GHR: variants seen among roughly 807,000 people sequenced by gnomAD.
GHR encodes the protein growth hormone receptor.
GHR carries 35 observed loss-of-function variants against 67.1 expected under a neutral mutation model. The ratio of observed to expected loss-of-function variants is 0.52; its 90% CI spans 0.40 to 0.69. GHR has a LOEUF of 0.69. Among genes scored for constraint, GHR ranks in the 30% least tolerant of loss-of-function variants. The pLI, the probability that GHR is intolerant of heterozygous loss-of-function variation, is 0.00. For synonymous variants in GHR, 272 were observed against 269.1 expected (o/e 1.01, Z -0.10); for missense variants, 792 against 764.6 (o/e 1.04, Z -0.42).
intron 1 of GHR, chr5:42,548,015 G>C (rs992431121): frequency 8.4e-6 from 7 of 837,936 alleles, no homozygotes; most frequent in Non-Finnish European, 7.2e-6. Context: ...ATCCAGATCA[G>C]AGCCTTTGCT....
chr5:42,579,159 G>GATAGATAGATAGATAGATGATAGATAGAT, intron 2 of GHR, among the ~76,000 whole-genome samples: 1 of 85,974 alleles, frequency 1.2e-5, no homozygotes, highest in South Asian at 2.9e-4. Flanking sequence ...GATATAGATA[G>GATAGATAGATAGATAGATGATAGATAGAT]ATAGATAGAT....
At chr5:42,472,675 A>G (rs949733834) in intron 1 of GHR, among the ~76,000 whole-genome samples, 7 of 152,196 alleles carry the variant, frequency 4.6e-5, no homozygotes, top group African/African-American at 1.4e-4. Flanking sequence ...GGCCTATAAG[A>G]GAGCAAATAT....
chr5:42,553,345 A>G (rs1229583009), intron 1 of GHR, among the ~76,000 whole-genome samples: 2 of 152,016 alleles, frequency 1.3e-5, no homozygotes, highest in Admixed American at 6.6e-5. Flanking sequence ...CATGTTCCCC[A>G]TTTCCTTGCT....
At chr5:42,685,727 C>A (rs1376626252) in intron 3 of GHR, among the ~76,000 whole-genome samples, 1 of 152,138 alleles carries the variant, frequency 6.6e-6, no homozygotes, top group African/African-American at 2.4e-5. Context: ...TGTCTGTTGG[C>A]TGCATAAATG....
intron 1 of GHR, among the ~76,000 whole-genome samples, chr5:42,479,519 C>G (rs1435560179): frequency 6.6e-6 from 1 of 152,058 alleles, no homozygotes; most frequent in Admixed American, 6.6e-5. Context: ...TGGTCCTGGA[C>G]TTTTTTTGGT....
intron 1 of GHR, among the ~76,000 whole-genome samples, chr5:42,549,368 C>T (rs1748898790): frequency 6.6e-6 from 1 of 152,096 alleles, no homozygotes; most frequent in Admixed American, 6.5e-5. Context: ...ACTGGTTGTG[C>T]TAGGTAGTGG....
In GHR at chr5:42,719,106, C is replaced by G. The variant is rs1317721222; in HGVS notation, c.1599C>G (p.Ala533=). The change falls in exon 10 of 10, where the codon GCC becomes GCG. Residue 533 remains alanine, a synonymous_variant. Coordinates refer to ENST00000230882, the MANE Select transcript of GHR (RefSeq NM_000163.5). Reference sequence around the variant, plus strand: ...AAGAAAACTTCCTTATGGACAATGCCTACTTCTGTGAGGCAGATGCCAAAA... The same window carrying G: ...AAGAAAACTTCCTTATGGACAATGCGTACTTCTGTGAGGCAGATGCCAAAA... ...LCQENFLMDN[A]YFCEADAKKC... The G allele has an allele frequency of 3.7e-6, 6 of 1,614,100 alleles. No homozygotes were observed. The highest frequency in any genetic ancestry group is 8.5e-7 in the Non-Finnish European group (1 of 1,179,964).
intron 2 of GHR, among the ~76,000 whole-genome samples, chr5:42,609,035 T>C (rs1043861033): frequency 1.3e-5 from 2 of 152,136 alleles, no homozygotes; most frequent in African/African-American, 2.4e-5. Context: ...GGATGGCATA[T>C]GCAAAAATGA....
intron 1 of GHR, among the ~76,000 whole-genome samples, chr5:42,533,053 G>A (rs1442860003): frequency 6.6e-6 from 1 of 152,018 alleles, no homozygotes; most frequent in Non-Finnish European, 1.5e-5. Context: ...ACTCCTACCA[G>A]CAATGAATGA....
intron 1 of GHR, among the ~76,000 whole-genome samples, chr5:42,537,884 C>T (rs1031330155): frequency 1.3e-5 from 2 of 152,080 alleles, no homozygotes; most frequent in African/African-American, 2.4e-5. Flanking sequence ...TTTCCTGTTG[C>T]ACAAGGCTTT....
intron 1 of GHR, among the ~76,000 whole-genome samples, chr5:42,431,152 T>G (rs886780954): frequency 2.0e-5 from 3 of 152,190 alleles, no homozygotes; most frequent in Non-Finnish European, 2.9e-5. Flanking sequence ...AAAAAATGTT[T>G]GCCTATTTTA....
rs968247066 is a variant in GHR, at chr5:42,565,619, T to A, written c.-11-245T>A. 23 of 983,644 alleles carry A rather than the reference T, an allele frequency of 2.3e-5. No homozygotes were observed. In the East Asian group the frequency reaches 2.5e-3, roughly 107 times the overall value. 60.9% of individuals were successfully genotyped at this position (983,644 alleles called of 1,614,324 possible). Reference sequence around the variant, plus strand: ...ATGGCTTTGAGCCAGGGTATGAACATCTCTAGTGTTCATGTTATTTCCTGA... The same window carrying A: ...ATGGCTTTGAGCCAGGGTATGAACAACTCTAGTGTTCATGTTATTTCCTGA... On this transcript the variant is annotated intron_variant, in intron 1 of 9. Transcript: ENST00000230882.
Position 42,671,824 on chromosome 5 carries a change from C to T in GHR, c.137-17066C>T, listed in dbSNP as rs1380037975. 6.6e-5 allele frequency among the ~76,000 whole-genome samples: 10 copies of T among 151,508 alleles called. No individual in the cohort carries two copies. The South Asian group carries it at 1.0e-3, about 16-fold the overall frequency. Reference sequence around the variant, plus strand: ...ACAAAAAATTAGCCGGGCGTAGGGGCGGGCGCCTGTAGTCCCAGCTACTTG... The same window carrying T: ...ACAAAAAATTAGCCGGGCGTAGGGGTGGGCGCCTGTAGTCCCAGCTACTTG... On this transcript the variant is annotated intron_variant, in intron 3 of 9. Transcript: ENST00000230882.
intron 1 of GHR, among the ~76,000 whole-genome samples, chr5:42,487,106 C>T (rs1745919488): frequency 6.6e-6 from 1 of 152,156 alleles, no homozygotes; most frequent in African/African-American, 2.4e-5. Context: ...GTAGGGAGAA[C>T]TGCTGTACTT....
At chr5:42,496,814 C>G (rs978639602) in intron 1 of GHR, among the ~76,000 whole-genome samples, 4 of 152,140 alleles carry the variant, frequency 2.6e-5, no homozygotes, top group African/African-American at 9.7e-5. Context: ...AATTTTACCT[C>G]ATTTCTTTGT....
chr5:42,674,567 G>A (rs1756476728), intron 3 of GHR, among the ~76,000 whole-genome samples: 1 of 152,036 alleles, frequency 6.6e-6, no homozygotes, highest in Admixed American at 6.6e-5. Flanking sequence ...CTCTGTATGT[G>A]ACTATTCTTA....
At chr5:42,665,157 A>G (rs992267792) in intron 3 of GHR, among the ~76,000 whole-genome samples, 1 of 152,174 alleles carries the variant, frequency 6.6e-6, no homozygotes, top group Non-Finnish European at 1.5e-5. Context: ...GTGGGACTGT[A>G]AACTAGTTCA....
At chr5:42,710,449 T>C (rs1053662327) in intron 6 of GHR, among the ~76,000 whole-genome samples, 1 of 152,116 alleles carries the variant, frequency 6.6e-6, no homozygotes, top group Non-Finnish European at 1.5e-5. Context: ...ACTAGTTGAG[T>C]ATACCTCTTT....
At chr5:42,668,330 A>G (rs982911331) in intron 3 of GHR, among the ~76,000 whole-genome samples, 2 of 152,156 alleles carry the variant, frequency 1.3e-5, no homozygotes, top group Non-Finnish European at 2.9e-5. Context: ...TTTGTTGGGA[A>G]TAGGGCACTA....
Sources: allele counts gnomAD v4.1 joint callset (sites outside exome capture counted in the v4.1 genomes callset), GRCh38; gene constraint gnomAD v4.1.1; transcripts MANE v1.5; gene names NCBI Gene and HGNC (gene_info 2026-07-23, HGNC 2026-07-21).